Variants in OR5A1 observed in about 807,000 individuals in gnomAD.
OR5A1 encodes olfactory receptor 5A1.
In OR5A1, 6 loss-of-function variants were observed where a neutral mutation model predicts 6.7. The ratio of observed to expected loss-of-function variants is 0.89; its 90% CI spans 0.49 to 1.76. The LOEUF is 1.76. Ranked by LOEUF, OR5A1 falls within the 40% of genes most tolerant of loss-of-function variation. The pLI, the probability that OR5A1 is intolerant of heterozygous loss-of-function variation, is 0.01. For missense variants in OR5A1, 378 were observed against 381.7 expected (o/e 0.99, Z 0.08); for synonymous variants, 170 against 155.0 (o/e 1.10, Z -0.72).
intron 1 of OR5A1, among the ~76,000 whole-genome samples, chr11:59,438,588 A>G (rs1858448061): frequency 6.6e-6 from 1 of 152,172 alleles, no homozygotes; most frequent in Admixed American, 6.5e-5. Flanking sequence ...GTTCTTCTCT[A>G]CTGCTCCCGT....
In OR5A1 at chr11:59,446,423, C is replaced by T. The variant is rs1858550389; in HGVS notation, c.*2307C>T. On this transcript the variant is annotated 3_prime_UTR_variant, in exon 2 of 2. Coordinates refer to ENST00000641045, the MANE Select transcript of OR5A1 (RefSeq NM_001004728.2). ...TAGTTTGAAGTCAGGGAGTGTAATG[C>T]CTCCGGCTTTGTTCTTTTTGCTTAG... 6.6e-6 allele frequency: 1 copy of T among 152,152 alleles called. No homozygotes were observed. Among genetic ancestry groups the T allele is most frequent in the Admixed American group, 6.5e-5 (1 of 15,272 alleles). The allele number at this position is 152,152 out of a possible 1,614,324, so 9.4% of individuals were successfully genotyped here. A position where few individuals can be genotyped will look rare whatever the true frequency, so the allele number is the denominator to read the frequency against.
chr11:59,439,230 C>T lies in OR5A1; in HGVS notation c.-34+2395C>T, dbSNP rs1010874483. On this transcript the variant is annotated intron_variant, in intron 1 of 1. Coordinates refer to ENST00000641045, the MANE Select transcript of OR5A1 (RefSeq NM_001004728.2). The stretch of plus-strand genomic sequence containing the variant: ...ATCATAAATCAACTCTACGAGTCCC[C>T]ATCAATTATCCAGTATCTTCTATGT... Among the ~76,000 whole-genome samples the T allele has an allele frequency of 7.2e-5, 11 of 152,170 alleles. 1 individual carries two copies. The South Asian group carries it at 2.3e-3, about 32-fold the overall frequency.
In OR5A1 at chr11:59,443,435, C is replaced by G. The variant is rs1479352702; in HGVS notation, c.267C>G (p.Phe89Leu). The stretch of plus-strand genomic sequence containing the variant: ...CTCCCAATATGCTCACTGACTTCTT[C>G]TGGGAGCAGAAGACCATATCATTTG... ...AVAPNMLTDF[F>L]WEQKTISFVG... is the part of the protein sequence containing the mutation. The change falls in exon 2 of 2, where the codon TTC becomes TTG. Residue 89 changes from phenylalanine (F) to leucine (L), a missense_variant. Transcript: ENST00000641045. 2 of 1,613,796 alleles carry G rather than the reference C, an allele frequency of 1.2e-6. No individual in the cohort carries two copies. Among genetic ancestry groups the G allele is most frequent in the Non-Finnish European group, 1.7e-6 (2 of 1,180,034 alleles).
chr11:59,448,293 C>T lies in OR5A1; in HGVS notation c.*4177C>T, dbSNP rs1384164184. On this transcript the variant is annotated 3_prime_UTR_variant, in exon 2 of 2. Transcript: ENST00000641045. ...AGGAAAAGGGAAGGAACTCCCCATA[C>T]ACATACTAAGATCTTTAAGGTTACT... is the stretch of plus-strand genomic sequence containing the variant. 6.6e-6 allele frequency: 1 copy of T among 152,128 alleles called. No individual in the cohort carries two copies. Among genetic ancestry groups the T allele is most frequent in the African/African-American group, 2.4e-5 (1 of 41,420 alleles). 9.4% of individuals were successfully genotyped at this position (152,128 alleles called of 1,614,324 possible).
Position 59,445,326 on chromosome 11 carries a change from C to A in OR5A1, c.*1210C>A, listed in dbSNP as rs1408857377. The A allele has an allele frequency of 6.6e-6, 1 of 152,128 alleles. No individual in the cohort carries two copies. The allele number at this position is 152,128 out of a possible 1,614,324, so 9.4% of individuals were successfully genotyped here. A position where few individuals can be genotyped will look rare whatever the true frequency, so the allele number is the denominator to read the frequency against. On this transcript the variant is annotated 3_prime_UTR_variant, in exon 2 of 2. Coordinates refer to ENST00000641045, the MANE Select transcript of OR5A1 (RefSeq NM_001004728.2). ...GCTTCCAGCTCTATCCATGTCCCTG[C>A]AAAGAACACTAATTCCTTCCTTTTA...
intron 1 of OR5A1, among the ~76,000 whole-genome samples, chr11:59,442,603 A>G (rs1042400792): frequency 1.5e-4 from 23 of 152,196 alleles, no homozygotes; most frequent in African/African-American, 5.1e-4. Flanking sequence ...CCTTTGCATT[A>G]AAAACATTCT....
intron 1 of OR5A1, among the ~76,000 whole-genome samples, chr11:59,441,840 T>C (rs1229046245): frequency 1.3e-5 from 2 of 152,110 alleles, no homozygotes; most frequent in African/African-American, 2.4e-5. Context: ...GAACAGTTAC[T>C]ATGGGCCAGG....
At position 59,444,339 on chromosome 11, in the gene OR5A1, A is replaced by AAAG. The variant is rs1173718049; in HGVS notation, c.*223_*224insAAG. ...CTTCAGAAAAAAAAAAAAAAAAAAA[A>AAAG]GAACCTCCCCAGGATAACCTATTTT... On this transcript the variant is annotated 3_prime_UTR_variant, in exon 2 of 2. Transcript: ENST00000641045. 2.8e-6 allele frequency: 1 copy of AAAG among 357,238 alleles called. No individual in the cohort carries two copies. The allele number at this position is 357,238 out of a possible 1,614,324, so 22.1% of individuals were successfully genotyped here.
rs1382982585 is a variant in OR5A1 at position 59,448,406 on chromosome 11, C to T, written c.*4290C>T. On this transcript the variant is annotated 3_prime_UTR_variant, in exon 2 of 2. Transcript: ENST00000641045. The stretch of plus-strand genomic sequence containing the variant: ...GACCAGGAGCCTCATCTAGTGGAAT[C>T]CAATTTGTCAGTATCTCCAGGTCTC... 2.6e-5 allele frequency: 4 copies of T among 152,194 alleles called. No homozygotes were observed. Among genetic ancestry groups the T allele is most frequent in the Non-Finnish European group, 5.9e-5 (4 of 68,044 alleles). The allele number at this position is 152,194 out of a possible 1,614,324, so 9.4% of individuals were successfully genotyped here. A position where few individuals can be genotyped will look rare whatever the true frequency, so the allele number is the denominator to read the frequency against.
rs550078530 is a variant in OR5A1 at position 59,446,172 on chromosome 11, G to A, written c.*2056G>A. On this transcript the variant is annotated 3_prime_UTR_variant, in exon 2 of 2. Coordinates refer to ENST00000641045, the MANE Select transcript of OR5A1 (RefSeq NM_001004728.2). ...GAGTTAATTTTTGTATAAAGTTTAA[G>A]GAACTGGTCCATTTTCAATTTTCTG... The A allele has an allele frequency of 3.3e-5, 5 of 152,220 alleles. No homozygotes were observed. Among genetic ancestry groups the A allele is most frequent in the African/African-American group, 1.2e-4 (5 of 41,536 alleles). The allele number at this position is 152,220 out of a possible 1,614,324, so 9.4% of individuals were successfully genotyped here.
rs1858505844 is a variant in OR5A1, at chr11:59,443,395, A to G, written c.227A>G (p.Tyr76Cys). Residue 76 changes from tyrosine (Y) to cysteine (C), a missense_variant, in exon 2 of 2, where the codon TAC becomes TGC. Transcript: ENST00000641045. ...AACTTATCTTTCATTGACATCTGCTACTCTTCTGCTGTGGCTCCCAATATG... is the reference window on the plus strand; with the variant it reads ...AACTTATCTTTCATTGACATCTGCTGCTCTTCTGCTGTGGCTCCCAATATG... ...LSNLSFIDIC[Y>C]SSAVAPNMLT... The G allele has an allele frequency of 1.2e-6, 2 of 1,613,380 alleles. No homozygotes were observed. The highest frequency in any genetic ancestry group is 1.1e-5 in the South Asian group (1 of 91,062).
Position 59,443,522 on chromosome 11 carries a change from G to T in OR5A1, c.354G>T (p.Leu118=), listed in dbSNP as rs1269583187. The change falls in exon 2 of 2, where the codon CTG becomes CTT. Residue 118 remains leucine (L), a synonymous_variant. Coordinates refer to ENST00000641045, the MANE Select transcript of OR5A1 (RefSeq NM_001004728.2). ...VGMGLSECLL[L]TAMAYDRYAA... is the part of the protein sequence containing the mutation. Reference sequence around the variant, plus strand: ...TGGGTCTGTCTGAGTGCCTCCTCCTGACTGCTATGGCATACGACCGATATG... The same window carrying T: ...TGGGTCTGTCTGAGTGCCTCCTCCTTACTGCTATGGCATACGACCGATATG... 1 of 1,613,874 alleles carries T rather than the reference G, an allele frequency of 6.2e-7. No homozygotes were observed. Among genetic ancestry groups the T allele is most frequent in the Admixed American group, 1.7e-5 (1 of 59,992 alleles).
intron 1 of OR5A1, among the ~76,000 whole-genome samples, chr11:59,442,004 A>G (rs1858487455): frequency 6.6e-6 from 1 of 151,700 alleles, no homozygotes; most frequent in South Asian, 2.1e-4. Flanking sequence ...GATGATAATT[A>G]GACAGATCCT....
rs935250801 is a variant in OR5A1, at chr11:59,445,280, G to A, written c.*1164G>A. On this transcript the variant is annotated 3_prime_UTR_variant, in exon 2 of 2. Coordinates refer to ENST00000641045, the MANE Select transcript of OR5A1 (RefSeq NM_001004728.2). ...TGGATATTTGGTTATCTGTTCTTGG[G>A]TTAGTTTGCTGAGGATAATGGCTTC... The A allele has an allele frequency of 6.6e-6, 1 of 152,088 alleles. No individual in the cohort carries two copies. Among genetic ancestry groups the A allele is most frequent in the African/African-American group, 2.4e-5 (1 of 41,396 alleles). 9.4% of individuals were successfully genotyped at this position (152,088 alleles called of 1,614,324 possible). A position where few individuals can be genotyped will look rare whatever the true frequency, so the allele number is the denominator to read the frequency against.
In OR5A1 at chr11:59,444,342, A is replaced by G; in HGVS notation, c.*226A>G. ...CAGAAAAAAAAAAAAAAAAAAAAGA[A>G]CCTCCCCAGGATAACCTATTTTCAC... is the stretch of plus-strand genomic sequence containing the variant. On this transcript the variant is annotated 3_prime_UTR_variant, in exon 2 of 2. Coordinates refer to ENST00000641045, the MANE Select transcript of OR5A1 (RefSeq NM_001004728.2). 1 of 336,808 alleles carries G rather than the reference A, an allele frequency of 3.0e-6. No individual in the cohort carries two copies. The highest frequency in any genetic ancestry group is 5.5e-6 in the Non-Finnish European group (1 of 182,904). The allele number at this position is 336,808 out of a possible 1,614,324, so 20.9% of individuals were successfully genotyped here.
intron 1 of OR5A1, among the ~76,000 whole-genome samples, chr11:59,437,122 A>G (rs1310427712): frequency 6.6e-6 from 1 of 152,086 alleles, no homozygotes; most frequent in African/African-American, 2.4e-5. Context: ...CTCCATGATC[A>G]ATCTCCCCCA....
chr11:59,442,784 C>T (rs1858494845), intron 1 of OR5A1, among the ~76,000 whole-genome samples: 1 of 152,174 alleles, frequency 6.6e-6, no homozygotes, highest in Non-Finnish European at 1.5e-5. Flanking sequence ...TTGTTATGTG[C>T]CAGGCACTTA....
chr11:59,437,935 T>A (rs1157293412), intron 1 of OR5A1, among the ~76,000 whole-genome samples: 1 of 152,196 alleles, frequency 6.6e-6, no homozygotes, highest in African/African-American at 2.4e-5. Context: ...GATTGGCCCA[T>A]GGGGCGGATC....
At chr11:59,441,977 T>C (rs1590612633) in intron 1 of OR5A1, among the ~76,000 whole-genome samples, 6 of 149,762 alleles carry the variant, frequency 4.0e-5, no homozygotes, top group African/African-American at 1.2e-4. Context: ...GATAGATAGA[T>C]AGATAGATAG....
Sources: gnomAD v4.1 joint callset for allele counts (sites outside exome capture counted in the v4.1 genomes callset) on GRCh38, gnomAD v4.1.1 for gene constraint, MANE v1.5 for transcripts, NCBI Gene and HGNC (gene_info 2026-07-23, HGNC 2026-07-21) for gene names.